The following ABCF2 variants were observed in gnomAD, a reference collection of about 807,000 sequenced individuals.
The protein encoded by ABCF2 is ATP binding cassette subfamily F member 2.
Under a neutral mutation model 76.9 loss-of-function variants are expected in ABCF2, and 37 were observed. The observed-to-expected ratio is 0.48, with a 90% CI of 0.37 to 0.63. The LOEUF is 0.63. Among genes scored for constraint, ABCF2 ranks in the 30% least tolerant of loss-of-function variants. The pLI, the probability that ABCF2 is intolerant of heterozygous loss-of-function variation, is 0.00. For missense variants in ABCF2, 524 were observed against 782.1 expected, an observed-to-expected ratio of 0.67 and a Z score of 3.94; for synonymous variants, 299 against 283.7, an observed-to-expected ratio of 1.05 and a Z score of -0.54.
chr7:151,224,275 G>C (rs1322483307), intron 3 of ABCF2, among the ~76,000 whole-genome samples, 161 bp from the exon 4 acceptor site: 1 of 151,536 alleles, frequency 6.6e-6, no homozygotes, highest in Non-Finnish European at 1.5e-5. Context: ...CCCATTCTTG[G>C]GATTCCTTTC....
chr7:151,224,694 C>G (rs1200882329), intron 3 of ABCF2, 82 bp downstream of exon 3: 1 of 1,329,396 alleles, frequency 7.5e-7, no homozygotes, highest in Non-Finnish European at 1.1e-6. Context: ...TTGCTCTGAA[C>G]ACAGTTGATG....
At chr7:151,226,590 T>C in intron 1 of ABCF2, 90 bp from the exon 2 acceptor site, 1 of 1,018,148 alleles carries the variant, frequency 9.8e-7, no homozygotes, top group Non-Finnish European at 1.4e-6. Flanking sequence ...AATCTTCGTA[T>C]CAACATCAAG....
chr7:151,213,541 A>G lies in ABCF2; in HGVS notation c.*513T>C. 2 of 986,070 alleles carry G rather than the reference A, an allele frequency of 2.0e-6. No homozygotes were observed. Among genetic ancestry groups the G allele is most frequent in the Non-Finnish European group, 2.4e-6 (2 of 830,490 alleles). The allele number at this position is 986,070 out of a possible 1,614,324, so 61.1% of individuals were successfully genotyped here. On this transcript the variant is annotated 3_prime_UTR_variant, in exon 15 of 15. Coordinates refer to ENST00000287844, the MANE Select transcript of ABCF2 (RefSeq NM_007189.3). ...CCTCTTTCTTTATTGGGCGCTTTGT[A>G]GATGTCACGCAGGTCTAAAAGTTAC...
rs147571379 is a variant in ABCF2, at chr7:151,214,062, T to C, written c.1864A>G (p.Asn622Asp). ...EEPQLTKRTH[N>D]V is the part of the protein sequence containing the mutation. ...GAACCCAGGTAGAGGGCTCACACGT[T>C]GTGGGTCCTCTTGGTGAGCTGGGGC... The change falls in exon 15 of 15, where the codon AAC (asparagine) becomes GAC (aspartate). Residue 622 changes from asparagine (N) to aspartate (D), a missense_variant. By Grantham distance (23) the Asn-to-Asp change is conservative. This residue lies in a region of ABCF2 where 194 missense variants were observed against 348.6 expected (regional missense o/e 0.56). Transcript: ENST00000287844. The surrounding 1 kb of genome is among the most constrained non-coding windows in gnomAD (Gnocchi z 4.9). The C allele has an allele frequency of 9.9e-6, 16 of 1,613,864 alleles. No individual in the cohort carries two copies. Among genetic ancestry groups the C allele is most frequent in the Non-Finnish European group, 1.3e-5 (15 of 1,179,962 alleles).
intron 1 of ABCF2, 178 bp from the exon 2 acceptor site, chr7:151,226,678 CG>C: frequency 2.0e-6 from 1 of 500,124 alleles, no homozygotes; most frequent in East Asian, 3.6e-5. Context: ...CGATTCTCAG[CG>C]GCTCTTCTAA....
chr7:151,224,157 CT>C (rs1802329483), intron 3 of ABCF2, 43 bp from the exon 4 acceptor site: 3 of 1,596,500 alleles, frequency 1.9e-6, no homozygotes, highest in Admixed American at 1.8e-5. Context: ...GTGAACTCCC[CT>C]ATCCCTCTTC....
At chr7:151,222,214 G>A (rs1360779557) in intron 6 of ABCF2, among the ~76,000 whole-genome samples, 1 of 150,938 alleles carries the variant, frequency 6.6e-6, no homozygotes, top group Non-Finnish European at 1.5e-5. Flanking sequence ...CCTCTTTTTA[G>A]CTTTATACAA....
chr7:151,223,541 C>G, intron 5 of ABCF2, 137 bp downstream of exon 5: 1 of 1,019,032 alleles, frequency 9.8e-7, no homozygotes. Flanking sequence ...ACACAACAAC[C>G]CCCTCCACAC....
chr7:151,222,929 A>G (rs996052765), intron 5 of ABCF2, among the ~76,000 whole-genome samples: 25 of 152,348 alleles, frequency 1.6e-4, no homozygotes, highest in Admixed American at 9.8e-4. Flanking sequence ...AAAAAAATAC[A>G]GAGGAAATAA....
At position 151,213,037 on chromosome 7, in the gene ABCF2, T is replaced by A. The variant is rs1465364487; in HGVS notation, c.*1017A>T. On this transcript the variant is annotated 3_prime_UTR_variant, in exon 15 of 15. Transcript: ENST00000287844. ...CCTCAGCCTCCCAAAGCGCTGGGAT[T>A]ACAGGTGTGAGCCACCGCACCTGGC... The A allele has an allele frequency of 2.0e-6, 2 of 982,850 alleles. No homozygotes were observed. Among genetic ancestry groups the A allele is most frequent in the African/African-American group, 3.5e-5 (2 of 57,160 alleles). The allele number at this position is 982,850 out of a possible 1,614,324, so 60.9% of individuals were successfully genotyped here. A position where few individuals can be genotyped will look rare whatever the true frequency, so the allele number is the denominator to read the frequency against.
rs1472502204 is a variant in ABCF2, at chr7:151,213,454, G to A, written c.*600C>T. ...CCAGCTCCTGCTGTGGGCAGTGCAT[G>A]TTGGCACTGCAGGGAGGAGAAGGCC... On this transcript the variant is annotated 3_prime_UTR_variant, in exon 15 of 15. Transcript: ENST00000287844. 1.0e-6 allele frequency: 1 copy of A among 985,506 alleles called. No homozygotes were observed. The highest frequency in any genetic ancestry group is 1.7e-5 in the African/African-American group (1 of 57,252). The allele number at this position is 985,506 out of a possible 1,614,324, so 61.0% of individuals were successfully genotyped here. A position where few individuals can be genotyped will look rare whatever the true frequency, so the allele number is the denominator to read the frequency against.
chr7:151,223,649 T>C lies in ABCF2; in HGVS notation c.722+29A>G, dbSNP rs377274734. 9.6e-6 allele frequency: 15 copies of C among 1,563,228 alleles called. No individual in the cohort carries two copies. The South Asian group carries it at 1.3e-4, about 14-fold the overall frequency. On this transcript the variant is annotated intron_variant, in intron 5 of 14. Coordinates refer to ENST00000287844, the MANE Select transcript of ABCF2 (RefSeq NM_007189.3). ...AAACACTGGAGAGATGGGGGAGTTA[T>C]GGGGGTAGGGAAGGAGGGAGGGACT...
Position 151,226,304 on chromosome 7 carries a change from C to A in ABCF2, c.154+1G>T. Reference sequence around the variant, plus strand: ...CCCAACTCACCCCTCCCTCAATTCACCTGTGGTCTCTCTGCCATTGGCCTC... The same window carrying A: ...CCCAACTCACCCCTCCCTCAATTCAACTGTGGTCTCTCTGCCATTGGCCTC... On this transcript the variant is annotated splice_donor_variant, in intron 2 of 14. Coordinates refer to ENST00000287844, the MANE Select transcript of ABCF2 (RefSeq NM_007189.3). LOFTEE classifies it high-confidence loss of function. 5 of 1,613,688 alleles carry A rather than the reference C, an allele frequency of 3.1e-6. No homozygotes were observed. Among genetic ancestry groups the A allele is most frequent in the Non-Finnish European group, 4.2e-6 (5 of 1,179,752 alleles).
At position 151,214,131 on chromosome 7, in the gene ABCF2, G is replaced by T. The variant is rs151178483; in HGVS notation, c.1795C>A (p.Leu599Met). The T allele has an allele frequency of 6.2e-7, 1 of 1,614,188 alleles. No homozygotes were observed. The highest frequency in any genetic ancestry group is 2.2e-5 in the East Asian group (1 of 44,884). ...GACTTGAGGTGCTCCTTGTAAGCCA[G>T]GATGTCTCCAGGCCACTTGGTGATT... ...QTITKWPGDILAYKEHLKSKL... is the reference protein window; with the variant it reads ...QTITKWPGDIMAYKEHLKSKL... The change falls in exon 15 of 15, where the codon CTG (leucine) becomes ATG (methionine). Residue 599 changes from leucine to methionine, a missense_variant. Leu to Met is a conservative substitution (Grantham distance 15). Around this residue, in one of 2 missense-constraint regions of ABCF2, gnomAD observed 194 missense variants for 348.6 expected, o/e 0.56. Transcript: ENST00000287844. The surrounding 1 kb of genome is among the most constrained non-coding windows in gnomAD (Gnocchi z 4.9).
At chr7:151,225,965 A>AT (rs1255274690) in intron 2 of ABCF2, among the ~76,000 whole-genome samples, 1 of 152,236 alleles carries the variant, frequency 6.6e-6, no homozygotes, top group Non-Finnish European at 1.5e-5. Flanking sequence ...AGCTTATTGT[A>AT]TAATGTAGCA....
At chr7:151,220,919 T>C (rs1802253941) in intron 7 of ABCF2, among the ~76,000 whole-genome samples, 1 of 152,216 alleles carries the variant, frequency 6.6e-6, no homozygotes, top group Non-Finnish European at 1.5e-5. Context: ...ATTCAGGAAG[T>C]AGAGGTTGCA....
Position 151,212,143 on chromosome 7 carries a change from T to G in ABCF2, c.*1911A>C. On this transcript the variant is annotated 3_prime_UTR_variant, in exon 15 of 15. Coordinates refer to ENST00000287844, the MANE Select transcript of ABCF2 (RefSeq NM_007189.3). ...GGGGTTTAAGCACCATCTGGGACAG[T>G]TGCTCCCGCCAGTCCTGGCTGTATT... 1 of 985,388 alleles carries G rather than the reference T, an allele frequency of 1.0e-6. No individual in the cohort carries two copies. Among genetic ancestry groups the G allele is most frequent in the Non-Finnish European group, 1.2e-6 (1 of 829,874 alleles). The allele number at this position is 985,388 out of a possible 1,614,324, so 61.0% of individuals were successfully genotyped here.
rs760946432 is a variant in ABCF2, at chr7:151,215,943, C to T, written c.1401+24G>A. On this transcript the variant is annotated intron_variant, in intron 12 of 14. Coordinates refer to ENST00000287844, the MANE Select transcript of ABCF2 (RefSeq NM_007189.3). The surrounding 1 kb of genome is among the most constrained non-coding windows in gnomAD (Gnocchi z 4.6). The stretch of plus-strand genomic sequence containing the variant: ...CCTCCCTATACCCTGGGCAATTCCC[C>T]GGATCCCAACCCCAGGCCTGTACCT... The T allele has an allele frequency of 4.6e-5, 74 of 1,613,010 alleles. No homozygotes were observed. The highest frequency in any genetic ancestry group is 3.3e-4 in the Middle Eastern group (2 of 6,078).
In ABCF2 at chr7:151,219,107, A is replaced by T; in HGVS notation, c.974T>A (p.Met325Lys). The change falls in exon 8 of 15, where the codon ATG becomes AAG. Residue 325 changes from methionine to lysine, a missense_variant. By Grantham distance (95) the Met-to-Lys change is moderately conservative. This residue lies in a region of ABCF2 where 330 missense variants were observed against 433.6 expected (regional missense o/e 0.76). Transcript: ENST00000287844. Reference sequence around the variant, plus strand: ...ATCTTGCTCCCAGTGAAACCTCTTCATCTGGTTCTCCTCCAGCTCTAGCCG... The same window carrying T: ...ATCTTGCTCCCAGTGAAACCTCTTCTTCTGGTTCTCCTCCAGCTCTAGCCG... The part of the protein sequence containing the change: ...KTRLELEENQ[M>K]KRFHWEQDQI... The T allele has an allele frequency of 1.2e-6, 2 of 1,613,884 alleles. No homozygotes were observed. The highest frequency in any genetic ancestry group is 1.7e-6 in the Non-Finnish European group (2 of 1,179,990).
Sources: allele counts gnomAD v4.1 joint callset (sites outside exome capture counted in the v4.1 genomes callset), GRCh38; gene constraint gnomAD v4.1.1; regional missense constraint gnomAD v4.1.1; non-coding constraint Gnocchi (gnomAD v3.1); transcripts MANE v1.5; gene names NCBI Gene and HGNC (gene_info 2026-07-23, HGNC 2026-07-21).